CERS6: variants seen among roughly 807,000 people sequenced by gnomAD.
CERS6 encodes the protein ceramide synthase 6.
A neutral mutation model predicts 56.8 loss-of-function variants in CERS6; 26 were observed. The observed-to-expected ratio is 0.46, with a 90% CI of 0.34 to 0.63. CERS6 has a LOEUF of 0.63. CERS6 is among the 30% of genes least tolerant of loss of function. The pLI, the probability that CERS6 is intolerant of heterozygous loss-of-function variation, is 0.01. For synonymous variants in CERS6, 164 were observed against 173.3 expected, an observed-to-expected ratio of 0.95 and a Z score of 0.42; for missense variants, 415 against 467.5, an observed-to-expected ratio of 0.89 and a Z score of 1.04.
intron 4 of CERS6, among the ~76,000 whole-genome samples, chr2:168,657,529 A>T (rs1402079919): frequency 6.6e-6 from 1 of 152,228 alleles, no homozygotes; most frequent in Non-Finnish European, 1.5e-5. Flanking sequence ...ACAGGAGCCC[A>T]TGGAGTGGGT....
chr2:168,547,864 A>G (rs1695495237), intron 2 of CERS6, among the ~76,000 whole-genome samples, 163 bp downstream of exon 2: 1 of 152,238 alleles, frequency 6.6e-6, no homozygotes, highest in South Asian at 2.1e-4. Flanking sequence ...AAGCGGAATG[A>G]AGATGGGCTT....
intron 1 of CERS6, among the ~76,000 whole-genome samples, chr2:168,497,152 C>T (rs1694487293): frequency 6.6e-6 from 1 of 152,024 alleles, no homozygotes; most frequent in African/African-American, 2.4e-5. Flanking sequence ...AGAATACTCT[C>T]TTAGAGAAAA....
chr2:168,739,146 T>C (rs958561009), intron 8 of CERS6, among the ~76,000 whole-genome samples: 6 of 143,764 alleles, frequency 4.2e-5, no homozygotes, highest in African/African-American at 1.6e-4. Context: ...TGAGCTCGGG[T>C]AATCCGCCTG....
At chr2:168,726,577 A>G (rs1683361149) in intron 8 of CERS6, among the ~76,000 whole-genome samples, 1 of 152,112 alleles carries the variant, frequency 6.6e-6, no homozygotes. Context: ...TTTGAGTCAC[A>G]TTTCTCCTCC....
At chr2:168,623,831 C>T (rs1470997306) in intron 3 of CERS6, among the ~76,000 whole-genome samples, 1 of 152,134 alleles carries the variant, frequency 6.6e-6, no homozygotes, top group Non-Finnish European at 1.5e-5. Flanking sequence ...ACTTTAAGGT[C>T]ACAGGACCCC....
intron 5 of CERS6, 63 bp downstream of exon 5, chr2:168,691,147 T>C (rs1574163560): frequency 1.3e-6 from 2 of 1,508,774 alleles, no homozygotes; most frequent in East Asian, 2.3e-5. Flanking sequence ...GTCAATTTCA[T>C]GGTCTCAGGC....
intron 3 of CERS6, among the ~76,000 whole-genome samples, chr2:168,611,127 G>A (rs1684179598): frequency 6.6e-6 from 1 of 152,072 alleles, no homozygotes; most frequent in Admixed American, 6.6e-5. Context: ...ATTTTTAATA[G>A]GATTAATCAC....
chr2:168,561,480 A>AGAAT (rs1695789640), intron 3 of CERS6, among the ~76,000 whole-genome samples, 158 bp downstream of exon 3: 1 of 152,230 alleles, frequency 6.6e-6, no homozygotes, highest in Non-Finnish European at 1.5e-5. Flanking sequence ...GTAGTTTGTA[A>AGAAT]GAATTTGTGA....
chr2:168,661,766 C>G (rs747868528), intron 4 of CERS6, among the ~76,000 whole-genome samples: 1 of 152,170 alleles, frequency 6.6e-6, no homozygotes, highest in Non-Finnish European at 1.5e-5. Context: ...TAACAAGATA[C>G]AGAAGCATTA....
intron 1 of CERS6, among the ~76,000 whole-genome samples, chr2:168,457,204 C>G (rs1345858851): frequency 6.6e-6 from 1 of 152,220 alleles, no homozygotes; most frequent in Non-Finnish European, 1.5e-5. Flanking sequence ...ATCAGGCCCA[C>G]AGTCCTGGCA....
intron 4 of CERS6, among the ~76,000 whole-genome samples, chr2:168,688,237 C>T (rs1368753232): frequency 6.6e-6 from 1 of 152,050 alleles, no homozygotes; most frequent in Non-Finnish European, 1.5e-5. Context: ...TTCTTAATTA[C>T]ATTACTGTCC....
intron 4 of CERS6, among the ~76,000 whole-genome samples, chr2:168,638,297 T>C (rs1684908338): frequency 6.6e-6 from 1 of 152,284 alleles, no homozygotes; most frequent in South Asian, 2.1e-4. Flanking sequence ...TTCTATGTTA[T>C]GAATTTATTT....
chr2:168,737,312 A>G (rs1427574015), intron 8 of CERS6, among the ~76,000 whole-genome samples: 1 of 152,232 alleles, frequency 6.6e-6, no homozygotes, highest in East Asian at 1.9e-4. Flanking sequence ...AACAATGGAA[A>G]ATTCAATATT....
At chr2:168,768,664 G>A (rs1021208450) in intron 9 of CERS6, among the ~76,000 whole-genome samples, 18 of 151,976 alleles carry the variant, frequency 1.2e-4, no homozygotes, top group East Asian at 3.9e-4. Flanking sequence ...CCAACACTTC[G>A]GGAGGTCAAG....
intron 4 of CERS6, among the ~76,000 whole-genome samples, chr2:168,665,300 GA>G (rs796747735): frequency 3.5e-4 from 52 of 147,496 alleles, no homozygotes; most frequent in South Asian, 8.6e-4. Flanking sequence ...AGCATTTTAT[GA>G]AAAAAAAAAT....
chr2:168,463,315 C>T (rs1354601881), intron 1 of CERS6, among the ~76,000 whole-genome samples: 1 of 152,144 alleles, frequency 6.6e-6, no homozygotes, highest in Non-Finnish European at 1.5e-5. Context: ...GAATACTTTC[C>T]ATGTAATTGA....
chr2:168,648,827 T>C (rs552340174), intron 4 of CERS6, among the ~76,000 whole-genome samples: 1 of 152,326 alleles, frequency 6.6e-6, no homozygotes, highest in South Asian at 2.1e-4. Context: ...TTGACTTCTG[T>C]TTTTATTGCA....
At position 168,770,843 on chromosome 2, in the gene CERS6, C is replaced by T. The variant is rs1044125821; in HGVS notation, c.*1181C>T. 3.9e-5 allele frequency: 6 copies of T among 152,232 alleles called. No homozygotes were observed. Among genetic ancestry groups the T allele is most frequent in the African/African-American group, 7.2e-5 (3 of 41,430 alleles). 9.4% of individuals were successfully genotyped at this position (152,232 alleles called of 1,614,324 possible). A position where few individuals can be genotyped will look rare whatever the true frequency, so the allele number is the denominator to read the frequency against. On this transcript the variant is annotated 3_prime_UTR_variant, in exon 10 of 10. Transcript: ENST00000305747. ...CTAAACACTGAGCAGCATTACACTA[C>T]AATGCTTCTTTGGTTTCCAGGAATT...
chr2:168,569,141 A>G (rs1298377126), intron 3 of CERS6, among the ~76,000 whole-genome samples: 1 of 152,168 alleles, frequency 6.6e-6, no homozygotes, highest in African/African-American at 2.4e-5. Flanking sequence ...GTCCCAGGTG[A>G]CATAAGTTTG....
Sources: gnomAD v4.1 joint callset for allele counts (sites outside exome capture counted in the v4.1 genomes callset) on GRCh38, gnomAD v4.1.1 for gene constraint, MANE v1.5 for transcripts, NCBI Gene and HGNC (gene_info 2026-07-23, HGNC 2026-07-21) for gene names.